The following EYS variants were observed in gnomAD, a reference collection of about 807,000 sequenced individuals.
EYS encodes EGF-like photoreceptor maintenance factor.
In EYS, 250 loss-of-function variants were observed where a neutral mutation model predicts 282.1. The ratio of observed to expected loss-of-function variants is 0.89; its 90% confidence interval spans 0.80 to 0.98. The LOEUF is 0.98. Among genes scored for constraint, EYS ranks in the 50% least tolerant of loss-of-function variants. The probability of loss-of-function intolerance (pLI) is 0.00; values close to 1 mark genes in which losing one functional copy is unlikely to be tolerated. For synonymous variants in EYS, 1,355 were observed against 1,282.9 expected, an observed-to-expected ratio of 1.06 and a Z score of -1.20; for missense variants, 4,016 against 3,709.0, an observed-to-expected ratio of 1.08 and a Z score of -2.15.
At position 64,591,854 on chromosome 6, in the gene EYS, CTG is replaced by C. The variant is rs2149832523; in HGVS notation, c.4011_4012del (p.His1337GlnfsTer20). ...GGAAACATCTGCGGAAGAAAGAAGA[CTG>C]TGTTTTGCTGAAAGCTCTCTAGTGA... On this transcript the variant is annotated frameshift_variant, in exon 26 of 43. Coordinates refer to ENST00000503581, the MANE Select transcript of EYS (RefSeq NM_001142800.2). LOFTEE classifies it high-confidence loss of function. The C allele has an allele frequency of 6.4e-7, 1 of 1,551,236 alleles. No individual in the cohort carries two copies. Among genetic ancestry groups the C allele is most frequent in the Non-Finnish European group, 8.7e-7 (1 of 1,146,674 alleles).
Position 63,952,096 on chromosome 6 carries a change from C to T in EYS, c.7055+32287G>A, listed in dbSNP as rs150433172. Among the ~76,000 whole-genome samples, 677 of 152,342 alleles carry T rather than the reference C, an allele frequency of 4.4e-3. 5 individuals are homozygous for T. The highest frequency in any genetic ancestry group is 0.015 in the African/African-American group (642 of 41,578). On this transcript the variant is annotated intron_variant, in intron 35 of 42. Transcript: ENST00000503581. ...TCTGTGAGGCAAAACCCAGCCGCAC[C>T]TCCAGCACACAAGAACTTCAAAATG...
At chr6:63,959,520 C>G (rs923405122) in intron 35 of EYS, among the ~76,000 whole-genome samples, 1 of 152,060 alleles carries the variant, frequency 6.6e-6, no homozygotes, top group Non-Finnish European at 1.5e-5. Flanking sequence ...GGGTACATAC[C>G]CAAAGGAATA....
chr6:64,836,548 A>G (rs1034236681), intron 19 of EYS, among the ~76,000 whole-genome samples: 1 of 151,580 alleles, frequency 6.6e-6, no homozygotes, highest in Non-Finnish European at 1.5e-5. Flanking sequence ...TTACCTCACT[A>G]GCAGGCAGTA....
rs573834106 is a variant in EYS at position 65,030,080 on chromosome 6, G to A, written c.2137+27534C>T. ...CAGAGGGTTTGGCTCAAGAACAGCT[G>A]GAGAACAGCTAGGGATGTACATCCC... On this transcript the variant is annotated intron_variant, in intron 13 of 42. Transcript: ENST00000503581. Among the ~76,000 whole-genome samples the A allele has an allele frequency of 5.3e-5, 8 of 152,280 alleles. 1 individual carries two copies. Among genetic ancestry groups the A allele is most frequent in the African/African-American group, 1.9e-4 (8 of 41,568 alleles).
At chr6:63,893,497 G>A (rs1773459311) in intron 35 of EYS, among the ~76,000 whole-genome samples, 5 of 152,114 alleles carry the variant, frequency 3.3e-5, no homozygotes, top group Admixed American at 3.3e-4. Flanking sequence ...AAACCCGCAT[G>A]TTCTCACTCG....
intron 29 of EYS, among the ~76,000 whole-genome samples, chr6:64,364,482 C>T (rs190970558): frequency 6.3e-4 from 95 of 151,846 alleles, no homozygotes; most frequent in African/African-American, 2.1e-3. Flanking sequence ...CTTGCTTAAA[C>T]GTAGGAGAAT....
intron 32 of EYS, among the ~76,000 whole-genome samples, chr6:64,079,050 G>A (rs1771867952): frequency 6.6e-6 from 1 of 152,018 alleles, no homozygotes; most frequent in African/African-American, 2.4e-5. Context: ...AAATTGCAAA[G>A]CTAGAAAATC....
chr6:64,561,981 T>G (rs1765410210), intron 26 of EYS, among the ~76,000 whole-genome samples: 1 of 149,090 alleles, frequency 6.7e-6, no homozygotes, highest in Admixed American at 6.7e-5. Context: ...GGAAGCATTC[T>G]ATTACCTGAC....
At chr6:64,230,909 T>C in intron 30 of EYS, 85 bp from the exon 31 acceptor site, 2 of 814,228 alleles carry the variant, frequency 2.5e-6, no homozygotes, top group South Asian at 4.0e-5. Context: ...TTTGATTTAA[T>C]ATAAGAGAAA....
chr6:64,261,792 T>G (rs896567647), intron 30 of EYS, among the ~76,000 whole-genome samples: 1 of 151,956 alleles, frequency 6.6e-6, no homozygotes, highest in Non-Finnish European at 1.5e-5. Context: ...ATTTTGTTTT[T>G]TTTTTTTCTT....
At chr6:64,227,225 C>T (rs1013452383) in intron 31 of EYS, among the ~76,000 whole-genome samples, 1 of 151,828 alleles carries the variant, frequency 6.6e-6, no homozygotes, top group Non-Finnish European at 1.5e-5. Context: ...TTTGGGCTCA[C>T]CCAATGTGTT....
chr6:64,894,198 A>G (rs951935393), intron 18 of EYS, among the ~76,000 whole-genome samples: 7 of 152,064 alleles, frequency 4.6e-5, no homozygotes, highest in African/African-American at 1.2e-4. Flanking sequence ...AATGTTTACC[A>G]ATATAAAGAT....
At chr6:64,770,275 T>G (rs1020251325) in intron 22 of EYS, among the ~76,000 whole-genome samples, 2 of 151,984 alleles carry the variant, frequency 1.3e-5, no homozygotes, top group African/African-American at 4.8e-5. Context: ...CAAACAGGAA[T>G]AGAAATGGTT....
At chr6:64,644,869 T>C (rs10944656) in intron 22 of EYS, among the ~76,000 whole-genome samples, 1 of 152,046 alleles carries the variant, frequency 6.6e-6, no homozygotes, top group East Asian at 1.9e-4. Context: ...AAAAAAGATG[T>C]ACATTTACTG....
intron 1 of EYS, among the ~76,000 whole-genome samples, chr6:65,654,271 C>T (rs1052824159): frequency 4.0e-5 from 6 of 151,684 alleles, no homozygotes; most frequent in Non-Finnish European, 8.8e-5. Context: ...TGTCACTTTC[C>T]TTTGCCTTTC....
chr6:64,441,094 A>G (rs1392897810), intron 26 of EYS, among the ~76,000 whole-genome samples: 1 of 152,192 alleles, frequency 6.6e-6, no homozygotes, highest in Non-Finnish European at 1.5e-5. Flanking sequence ...CAATGCCCCA[A>G]AGAAATTCAC....
intron 29 of EYS, among the ~76,000 whole-genome samples, chr6:64,360,766 C>G (rs969699331): frequency 6.6e-6 from 1 of 151,626 alleles, no homozygotes; most frequent in Non-Finnish European, 1.5e-5. Context: ...AAATAGAACA[C>G]CAATATTCCT....
rs1392872599 is a variant in EYS at position 63,726,643 on chromosome 6, C to T, written c.8109G>A (p.Glu2703=). 6.4e-7 allele frequency: 1 copy of T among 1,551,180 alleles called. No individual in the cohort carries two copies. The highest frequency in any genetic ancestry group is 8.7e-7 in the Non-Finnish European group (1 of 1,146,716). The stretch of plus-strand genomic sequence containing the variant: ...AGGAAGCAAAAGACATCCAGGATAA[C>T]TCATTGCTTCTGAAAGATGGATCAC... ...SISDPSFRSN[E]LSWMSFASFH... is the part of the protein sequence containing the mutation. The change falls in exon 42 of 43, where the codon GAG becomes GAA. Residue 2703 remains glutamate (E), a synonymous_variant. Transcript: ENST00000503581.
chr6:64,061,940 G>A (rs992938907), intron 33 of EYS, among the ~76,000 whole-genome samples: 14 of 150,602 alleles, frequency 9.3e-5, no homozygotes, highest in African/African-American at 2.7e-4. Context: ...CAGTGGGAGC[G>A]TGGGCAACAG....
Sources: allele counts gnomAD v4.1 joint callset (sites outside exome capture counted in the v4.1 genomes callset), GRCh38; gene constraint gnomAD v4.1.1; transcripts MANE v1.5; gene names NCBI Gene and HGNC (gene_info 2026-07-23, HGNC 2026-07-21).